The following ORC4 variants were observed in gnomAD, a reference collection of about 807,000 sequenced individuals.
ORC4 encodes origin recognition complex, subunit 4 homolog.
A neutral mutation model predicts 63.9 loss-of-function variants in ORC4; 55 were observed. The observed-to-expected ratio is 0.86, with a 90% CI of 0.69 to 1.08. ORC4 has a LOEUF of 1.08. Among genes scored for constraint, ORC4 ranks in the 50% least tolerant of loss-of-function variants. The probability of loss-of-function intolerance (pLI) is 0.00; values close to 1 mark genes in which losing one functional copy is unlikely to be tolerated. For synonymous variants in ORC4, 150 were observed against 168.5 expected (o/e 0.89, Z 0.85); for missense variants, 511 against 504.4 (o/e 1.01, Z -0.13).
At chr2:147,971,138 G>T (rs138737964) in intron 4 of ORC4, among the ~76,000 whole-genome samples, 15 of 149,624 alleles carry the variant, frequency 1.0e-4, no homozygotes, top group African/African-American at 2.9e-4. Flanking sequence ...CCCTATTCTT[G>T]TAAGTAAGTA....
chr2:147,961,758 CTG>C (rs562808614), intron 4 of ORC4, among the ~76,000 whole-genome samples: 1 of 152,164 alleles, frequency 6.6e-6, no homozygotes, highest in Non-Finnish European at 1.5e-5. Context: ...AGTAGATAAA[CTG>C]TCAGTGTGGC....
chr2:148,015,113 G>GA (rs1174222420), intron 1 of ORC4, among the ~76,000 whole-genome samples: 70 of 118,560 alleles, frequency 5.9e-4, no homozygotes, highest in Non-Finnish European at 5.6e-4. Context: ...TTGACTAGGA[G>GA]AAAAAAAAAA....
rs543566518 is a variant in ORC4 at position 147,934,918 on chromosome 2, G to A, written c.*592C>T. On this transcript the variant is annotated 3_prime_UTR_variant, in exon 14 of 14. Transcript: ENST00000392857. ...TGTAATTTTAGAAAATCCTACAAGG[G>A]ATTCTGATGTGGATGGTATGAGTAC... The A allele has an allele frequency of 3.9e-5, 6 of 152,350 alleles. No individual in the cohort carries two copies. Among genetic ancestry groups the A allele is most frequent in the Non-Finnish European group, 7.3e-5 (5 of 68,226 alleles). 9.4% of individuals were successfully genotyped at this position (152,350 alleles called of 1,614,324 possible). A position where few individuals can be genotyped will look rare whatever the true frequency, so the allele number is the denominator to read the frequency against.
chr2:147,952,014 T>G (rs544199259), intron 8 of ORC4, among the ~76,000 whole-genome samples: 1 of 152,332 alleles, frequency 6.6e-6, no homozygotes, highest in South Asian at 2.1e-4. Flanking sequence ...TTTCAAGCCT[T>G]TTCAAAATAT....
intron 9 of ORC4, among the ~76,000 whole-genome samples, chr2:147,945,137 A>T (rs964800182): frequency 1.3e-5 from 2 of 152,068 alleles, no homozygotes; most frequent in African/African-American, 4.8e-5. Flanking sequence ...GATGTGGTAA[A>T]ATCGGAGCAC....
intron 11 of ORC4, 128 bp downstream of exon 11, chr2:147,939,012 A>C: frequency 1.5e-6 from 1 of 667,022 alleles, no homozygotes; most frequent in South Asian, 1.6e-5. Context: ...ACTAAGTTAA[A>C]GGCTATATGG....
At chr2:147,954,267 A>G (rs774159517) in intron 7 of ORC4, among the ~76,000 whole-genome samples, 2 of 152,206 alleles carry the variant, frequency 1.3e-5, no homozygotes, top group Non-Finnish European at 2.9e-5. Context: ...TAGGTCAAAG[A>G]CCCAACAGGA....
At chr2:147,985,195 TTTTG>T (rs1691127582) in intron 1 of ORC4, among the ~76,000 whole-genome samples, 1 of 152,060 alleles carries the variant, frequency 6.6e-6, no homozygotes, top group South Asian at 2.1e-4. Flanking sequence ...TCTCTGTTTT[TTTTG>T]TTTTTTTGTT....
At chr2:148,018,287 T>C (rs938548222) in intron 1 of ORC4, among the ~76,000 whole-genome samples, 6 of 152,040 alleles carry the variant, frequency 3.9e-5, no homozygotes, top group Non-Finnish European at 7.4e-5. Flanking sequence ...ATTCATCAAG[T>C]TGGGAAAAAG....
chr2:147,984,222 G>A (rs932214599), intron 1 of ORC4, among the ~76,000 whole-genome samples: 3 of 151,882 alleles, frequency 2.0e-5, no homozygotes, highest in African/African-American at 7.3e-5. Context: ...TCTACCCCTA[G>A]GCAACAAGAT....
At chr2:147,945,116 T>C (rs1198077278) in intron 9 of ORC4, among the ~76,000 whole-genome samples, 3 of 152,082 alleles carry the variant, frequency 2.0e-5, no homozygotes, top group African/African-American at 7.2e-5. Flanking sequence ...AATCTGTAAG[T>C]TGTAAAAGTT....
chr2:147,995,347 C>G (rs1356995030), intron 1 of ORC4, among the ~76,000 whole-genome samples: 5 of 152,142 alleles, frequency 3.3e-5, no homozygotes, highest in African/African-American at 1.2e-4. Context: ...TAAAATGGAC[C>G]AATCAGCAGG....
chr2:148,018,400 A>C (rs1450247176), intron 1 of ORC4, among the ~76,000 whole-genome samples: 4 of 152,208 alleles, frequency 2.6e-5, no homozygotes, highest in Admixed American at 2.0e-4. Context: ...ATAACTAGTG[A>C]AGTTGAAGAT....
At chr2:147,992,890 A>C (rs1188174841) in intron 1 of ORC4, among the ~76,000 whole-genome samples, 1 of 152,120 alleles carries the variant, frequency 6.6e-6, no homozygotes, top group Non-Finnish European at 1.5e-5. Flanking sequence ...CAGAACCTAA[A>C]TATATTACTC....
At chr2:147,973,028 T>C (rs532010189) in intron 3 of ORC4, among the ~76,000 whole-genome samples, 199 bp from the exon 4 acceptor site, 24 of 152,260 alleles carry the variant, frequency 1.6e-4, no homozygotes, top group African/African-American at 5.8e-4. Context: ...CTCTGAAATC[T>C]TCAGGTGAAA....
intron 4 of ORC4, among the ~76,000 whole-genome samples, chr2:147,960,839 T>C (rs972936898): frequency 6.6e-6 from 1 of 152,140 alleles, no homozygotes; most frequent in African/African-American, 2.4e-5. Context: ...TAGTGAGCTA[T>C]GATTGAGCCG....
intron 3 of ORC4, 86 bp downstream of exon 3, chr2:147,973,362 A>G (rs1573820068): frequency 1.2e-6 from 1 of 834,882 alleles, no homozygotes; most frequent in East Asian, 2.4e-5. Context: ...GCTTTATTTA[A>G]TATCAAATTT....
chr2:148,019,052 ATT>A (rs70992186), intron 1 of ORC4, among the ~76,000 whole-genome samples: 1 of 150,068 alleles, frequency 6.7e-6, no homozygotes, highest in Non-Finnish European at 1.5e-5. Context: ...CCTTGCTGGT[ATT>A]TTTTTTTTTC....
intron 10 of ORC4, among the ~76,000 whole-genome samples, chr2:147,942,828 C>A (rs552757850): frequency 2.2e-4 from 34 of 151,454 alleles, no homozygotes; most frequent in Non-Finnish European, 4.4e-4. Flanking sequence ...ATGTAATGGT[C>A]TACATCAAAA....
Sources: allele counts gnomAD v4.1 joint callset (sites outside exome capture counted in the v4.1 genomes callset), GRCh38; gene constraint gnomAD v4.1.1; transcripts MANE v1.5; gene names NCBI Gene and HGNC (gene_info 2026-07-23, HGNC 2026-07-21).